The following WWP2 variants were observed in gnomAD, a reference collection of about 807,000 sequenced individuals.
The protein encoded by WWP2 is NEDD4-like E3 ubiquitin-protein ligase WWP2.
Under a neutral mutation model 121.0 loss-of-function variants are expected in WWP2, and 57 were observed. The observed-to-expected ratio is 0.47, with a 90% CI of 0.38 to 0.59. The LOEUF (loss-of-function observed/expected upper bound fraction) is 0.59. Among genes scored for constraint, WWP2 ranks in the 20% least tolerant of loss-of-function variants. The probability of loss-of-function intolerance (pLI) is 0.00; values close to 1 mark genes in which losing one functional copy is unlikely to be tolerated. For missense variants in WWP2, 962 were observed against 1,158.9 expected (o/e 0.83, Z 2.47); for synonymous variants, 449 against 441.3 (o/e 1.02, Z -0.22).
chr16:69,871,429 A>G (rs1435512778), intron 6 of WWP2, among the ~76,000 whole-genome samples: 1 of 152,198 alleles, frequency 6.6e-6, no homozygotes, highest in African/African-American at 2.4e-5. Flanking sequence ...CTTCTTGCCT[A>G]ATGGGGGAAA....
intron 4 of WWP2, among the ~76,000 whole-genome samples, chr16:69,828,525 C>G (rs1357339599): frequency 1.3e-5 from 2 of 152,114 alleles, no homozygotes; most frequent in Non-Finnish European, 2.9e-5. Flanking sequence ...CACCACCACA[C>G]CCCGCTAATT....
intron 8 of WWP2, among the ~76,000 whole-genome samples, chr16:69,890,045 C>G (rs1352840499): frequency 6.6e-6 from 1 of 152,018 alleles, no homozygotes; most frequent in Non-Finnish European, 1.5e-5. Context: ...GCCTTGACTT[C>G]CTGGGCTCAA....
At chr16:69,775,063 G>A (rs1237265714) in intron 1 of WWP2, 1 of 152,068 alleles carries the variant, frequency 6.6e-6, no homozygotes, top group Non-Finnish European at 1.5e-5. Flanking sequence ...AACAGATAAT[G>A]TGTATTTATG....
intron 11 of WWP2, among the ~76,000 whole-genome samples, chr16:69,929,195 T>A (rs1566451): frequency 1.3e-5 from 2 of 152,022 alleles, no homozygotes; most frequent in Non-Finnish European, 2.9e-5. Flanking sequence ...CTCCGACCAA[T>A]CAACCAAAGA....
chr16:69,934,770 A>G (rs1597186560), intron 17 of WWP2, among the ~76,000 whole-genome samples: 1 of 151,590 alleles, frequency 6.6e-6, no homozygotes, highest in Non-Finnish European at 1.5e-5. Flanking sequence ...TTCAGTACCT[A>G]CAGGGCAGCC....
At chr16:69,807,645 GAAAAGA>G (rs1286026972) in intron 4 of WWP2, among the ~76,000 whole-genome samples, 11 of 81,652 alleles carry the variant, frequency 1.3e-4, no homozygotes, top group Admixed American at 4.2e-4. Flanking sequence ...AAAAAAAAAA[GAAAAGA>G]AAAAGGAAAA....
rs9935697 is a variant in WWP2, at chr16:69,828,249, C to T, written c.341-11877C>T. On this transcript the variant is annotated intron_variant, in intron 4 of 23. Coordinates refer to ENST00000359154, the MANE Select transcript of WWP2 (RefSeq NM_001270454.2). ...TTCCCTCCTCCTAAGGGCAGATGCC[C>T]CATCCATGCTTAGAGGCTCCCCTTT... Among the ~76,000 whole-genome samples the T allele has an allele frequency of 1.8e-3, 280 of 152,242 alleles. 3 individuals carry two copies. The highest frequency in any genetic ancestry group is 6.3e-3 in the African/African-American group (260 of 41,532).
chr16:69,813,148 T>C (rs546586012), intron 4 of WWP2, among the ~76,000 whole-genome samples: 1 of 152,214 alleles, frequency 6.6e-6, no homozygotes, highest in East Asian at 1.9e-4. Flanking sequence ...GGTTATAACT[T>C]ATTTCTGGTG....
At chr16:69,907,406 A>G (rs1045093586) in intron 8 of WWP2, among the ~76,000 whole-genome samples, 4 of 152,202 alleles carry the variant, frequency 2.6e-5, no homozygotes, top group African/African-American at 7.2e-5. Flanking sequence ...TTGCATTTTC[A>G]AAGCAAGCAT....
rs150059700 is a variant in WWP2 at position 69,798,759 on chromosome 16, C to T, written c.148C>T (p.Pro50Ser). 237 of 1,613,896 alleles carry T rather than the reference C, an allele frequency of 1.5e-4. 1 individual carries two copies. The African/African-American group carries it at 2.7e-3, about 18-fold the overall frequency. ...SYVEVAVDGL[P>S]SETKKTGKRI... Reference sequence around the variant, plus strand: ...CGTGGAGGTGGCGGTGGATGGACTCCCCAGTGAGACCAAGAAGACTGGGAA... The same window carrying T: ...CGTGGAGGTGGCGGTGGATGGACTCTCCAGTGAGACCAAGAAGACTGGGAA... The change falls in exon 3 of 24, where the codon CCC (proline) becomes TCC (serine). Residue 50 changes from proline to serine, a missense_variant. This residue lies in a region of WWP2 where 145 missense variants were observed against 189.8 expected (regional missense o/e 0.76). Coordinates refer to ENST00000359154, the MANE Select transcript of WWP2 (RefSeq NM_001270454.2).
chr16:69,826,267 C>CA (rs71151139), intron 4 of WWP2, among the ~76,000 whole-genome samples: 6,952 of 133,306 alleles, frequency 0.052, 213 homozygotes, highest in South Asian at 0.083. Flanking sequence ...AACTCCGTCT[C>CA]AAAAAAAAAA....
chr16:69,918,845 C>CTT (rs113707256), intron 10 of WWP2, among the ~76,000 whole-genome samples: 116 of 139,590 alleles, frequency 8.3e-4, no homozygotes, highest in East Asian at 2.9e-3. Flanking sequence ...CCTTTTCTTT[C>CTT]TTTTTTTTTT....
chr16:69,894,242 A>ATTT lies in WWP2; in HGVS notation c.914+6008_914+6010dup, dbSNP rs34251036. On this transcript the variant is annotated intron_variant, in intron 8 of 23. Transcript: ENST00000359154. ...AGGCGCATGCCACTATACCCAGGCT[A>ATTT]TTTTTTTTTTTTTTTTTGGTAGAGA... is the stretch of plus-strand genomic sequence containing the variant. 1.0e-3 allele frequency among the ~76,000 whole-genome samples: 137 copies of ATTT among 132,100 alleles called. 1 individual carries two copies. Among genetic ancestry groups the ATTT allele is most frequent in the African/African-American group, 3.3e-3 (120 of 36,192 alleles). The allele number at this position is 132,100 out of a possible 152,430, so 86.7% of individuals were successfully genotyped here. A position where few individuals can be genotyped will look rare whatever the true frequency, so the allele number is the denominator to read the frequency against.
rs183936129 is a variant in WWP2, at chr16:69,872,918, A to C, written c.703+987A>C. On this transcript the variant is annotated intron_variant, in intron 7 of 23. Coordinates refer to ENST00000359154, the MANE Select transcript of WWP2 (RefSeq NM_001270454.2). ...CAGAGTCAAAAAGGAAAAAGAAAAA[A>C]CAAACCCATTCATTTCTATAAACTT... is the stretch of plus-strand genomic sequence containing the variant. Among the ~76,000 whole-genome samples, 334 of 152,350 alleles carry C rather than the reference A, an allele frequency of 2.2e-3. 2 individuals carry two copies. The highest frequency in any genetic ancestry group is 5.6e-3 in the South Asian group (27 of 4,828).
chr16:69,828,180 T>G (rs1212146127), intron 4 of WWP2, among the ~76,000 whole-genome samples: 1 of 152,048 alleles, frequency 6.6e-6, no homozygotes, highest in East Asian at 1.9e-4. Context: ...GAGTCCGTTA[T>G]GTACTGAAAT....
intron 1 of WWP2, among the ~76,000 whole-genome samples, chr16:69,771,762 G>A (rs1389818241): frequency 4.6e-5 from 7 of 152,000 alleles, no homozygotes; most frequent in African/African-American, 1.7e-4. Flanking sequence ...ACATTTAGGT[G>A]TGAAGTACAC....
intron 2 of WWP2, among the ~76,000 whole-genome samples, chr16:69,789,236 G>C (rs1400615619): frequency 2.0e-5 from 3 of 151,462 alleles, no homozygotes; most frequent in Admixed American, 2.0e-4. Context: ...TTTTTTGTTT[G>C]TTTGTTTTTT....
intron 1 of WWP2, among the ~76,000 whole-genome samples, chr16:69,775,902 G>A (rs187108240): frequency 4.8e-4 from 73 of 152,318 alleles, no homozygotes; most frequent in Non-Finnish European, 7.3e-4. Context: ...GTTGGTCTGT[G>A]TTTAATGATT....
chr16:69,806,961 C>T (rs201483306), intron 4 of WWP2, among the ~76,000 whole-genome samples: 19 of 134,400 alleles, frequency 1.4e-4, no homozygotes, highest in African/African-American at 6.5e-4. Context: ...TTTATTCATT[C>T]ATTCATTCAT....
Sources: allele counts gnomAD v4.1 joint callset (sites outside exome capture counted in the v4.1 genomes callset), GRCh38; gene constraint gnomAD v4.1.1; regional missense constraint gnomAD v4.1.1; transcripts MANE v1.5; gene names NCBI Gene and HGNC (gene_info 2026-07-23, HGNC 2026-07-21).